NAV3: variants seen among roughly 807,000 people sequenced by gnomAD.
NAV3 encodes neuron navigator 3, also known as pore membrane and/or filament interacting like protein 1.
A neutral mutation model predicts 244.7 loss-of-function variants in NAV3; 87 were observed. The observed-to-expected ratio is 0.36, with a 90% CI of 0.30 to 0.42. The LOEUF is 0.42. Among genes scored for constraint, NAV3 ranks in the 20% least tolerant of loss-of-function variants. NAV3 has a pLI of 1.00. For missense variants in NAV3, 2,663 were observed against 2,893.3 expected, an observed-to-expected ratio of 0.92 and a Z score of 1.83; for synonymous variants, 1,126 against 1,042.2, an observed-to-expected ratio of 1.08 and a Z score of -1.55.
chr12:77,976,537 A>G (rs1308864173), intron 5 of NAV3, among the ~76,000 whole-genome samples: 1 of 152,128 alleles, frequency 6.6e-6, no homozygotes, highest in East Asian at 1.9e-4. Flanking sequence ...GGAGAGACAG[A>G]TCAATAGTCA....
chr12:77,640,450 C>T (rs186915508), intron 2 of NAV3, among the ~76,000 whole-genome samples: 5 of 152,254 alleles, frequency 3.3e-5, no homozygotes, highest in South Asian at 2.1e-4. Flanking sequence ...TCCCTGGTAA[C>T]CATCATGCTA....
intron 2 of NAV3, among the ~76,000 whole-genome samples, chr12:77,647,979 C>T (rs1264719607): frequency 6.6e-6 from 1 of 152,002 alleles, no homozygotes; most frequent in African/African-American, 2.4e-5. Flanking sequence ...CAAGGAAGAA[C>T]CTGGCAGCAG....
At chr12:77,767,411 CCACTTGGCCTGGTAGTCTG>C (rs990517005) in intron 2 of NAV3, among the ~76,000 whole-genome samples, 6 of 152,126 alleles carry the variant, frequency 3.9e-5, no homozygotes, top group East Asian at 1.9e-4. Context: ...CTTATTCTAC[CCACTTGGCCTGGTAGTCTG>C]CACTTGGCCT....
At chr12:77,905,918 T>G (rs1228019079) in intron 1 of NAV3, among the ~76,000 whole-genome samples, 1 of 152,136 alleles carries the variant, frequency 6.6e-6, no homozygotes, top group Non-Finnish European at 1.5e-5. Flanking sequence ...CCAACTCCCA[T>G]CACTTTCGTG....
chr12:78,157,271 G>A (rs1593829926), intron 22 of NAV3, among the ~76,000 whole-genome samples: 1 of 152,058 alleles, frequency 6.6e-6, no homozygotes, highest in East Asian at 1.9e-4. Flanking sequence ...AAGTTCAGGT[G>A]TGGTGGCTCA....
chr12:77,711,092 G>C (rs60374155), intron 2 of NAV3, among the ~76,000 whole-genome samples: 3,812 of 152,262 alleles, frequency 0.025, 90 homozygotes, highest in African/African-American at 0.06. Flanking sequence ...ATGTATGTTG[G>C]AAATAATTGC....
At chr12:78,177,928 CG>C (rs5799377) in intron 28 of NAV3, among the ~76,000 whole-genome samples, 87,713 of 151,596 alleles carry the variant, frequency 0.58, 27,344 homozygotes, top group Non-Finnish European at 0.72. Context: ...AGTAGCCCCC[CG>C]TTATCCACCA....
intron 2 of NAV3, among the ~76,000 whole-genome samples, chr12:77,728,651 A>G (rs1876988550): frequency 6.6e-6 from 1 of 151,952 alleles, no homozygotes. Context: ...TACAGTAGAC[A>G]GAGTATCATT....
intron 34 of NAV3, among the ~76,000 whole-genome samples, chr12:78,196,504 T>G (rs1270916519): frequency 6.6e-6 from 1 of 151,972 alleles, no homozygotes; most frequent in African/African-American, 2.4e-5. Context: ...TTCTTACTGA[T>G]TAGGATAATT....
intron 30 of NAV3, among the ~76,000 whole-genome samples, chr12:78,184,510 TG>T (rs1958630773): frequency 6.6e-6 from 1 of 151,858 alleles, no homozygotes; most frequent in African/African-American, 2.4e-5. Flanking sequence ...AAAAATTTAT[TG>T]CAAAGCTCTA....
chr12:77,685,473 G>GCACACACACACACACACA (rs778398842), intron 2 of NAV3, among the ~76,000 whole-genome samples: 85 of 42,690 alleles, frequency 2.0e-3, no homozygotes, highest in African/African-American at 3.8e-3. Context: ...GCATACACAT[G>GCACACACACACACACACA]CACACACACA....
intron 2 of NAV3, among the ~76,000 whole-genome samples, chr12:77,772,068 G>A (rs560302112): frequency 5.9e-5 from 9 of 152,224 alleles, no homozygotes; most frequent in African/African-American, 2.2e-4. Flanking sequence ...TGGTGCAAAG[G>A]ATTTCAGTTA....
At chr12:78,143,505 TCTGTAATCCCAG>T (rs1956718802) in intron 20 of NAV3, 2 of 302,992 alleles carry the variant, frequency 6.6e-6, no homozygotes, top group Non-Finnish European at 1.3e-5. Flanking sequence ...GTGGCATACG[TCTGTAATCCCAG>T]CTATTTGGGA....
At chr12:77,941,543 A>G (rs1384046193) in intron 3 of NAV3, among the ~76,000 whole-genome samples, 1 of 152,208 alleles carries the variant, frequency 6.6e-6, no homozygotes, top group Non-Finnish European at 1.5e-5. Flanking sequence ...GTGTAAACAC[A>G]TGGACTCTTC....
chr12:77,746,255 T>C (rs184808013), intron 2 of NAV3, among the ~76,000 whole-genome samples: 1 of 152,194 alleles, frequency 6.6e-6, no homozygotes, highest in East Asian at 1.9e-4. Flanking sequence ...TCTGTCACAA[T>C]TACTCCTCAG....
At chr12:77,737,933 A>G (rs1005430118) in intron 2 of NAV3, among the ~76,000 whole-genome samples, 2 of 152,096 alleles carry the variant, frequency 1.3e-5, no homozygotes, top group African/African-American at 4.8e-5. Flanking sequence ...ACCATTTTTC[A>G]ATCATGCAGC....
intron 23 of NAV3, among the ~76,000 whole-genome samples, chr12:78,168,543 G>A (rs567641167): frequency 6.6e-6 from 1 of 151,506 alleles, no homozygotes; most frequent in Admixed American, 6.6e-5. Context: ...AAGACAATAA[G>A]AAAAACAAAC....
At chr12:78,167,400 G>A (rs1957823268) in intron 23 of NAV3, among the ~76,000 whole-genome samples, 1 of 151,742 alleles carries the variant, frequency 6.6e-6, no homozygotes, top group South Asian at 2.1e-4. Flanking sequence ...AGGTCTGGTT[G>A]TTTGTTTTAA....
chr12:77,741,312 C>T (rs1359431011), intron 2 of NAV3, among the ~76,000 whole-genome samples: 1 of 151,920 alleles, frequency 6.6e-6, no homozygotes, highest in African/African-American at 2.4e-5. Flanking sequence ...TCAATTTATC[C>T]ACTACATGTT....
Sources: gnomAD v4.1 joint callset for allele counts (sites outside exome capture counted in the v4.1 genomes callset) on GRCh38, gnomAD v4.1.1 for gene constraint, MANE v1.5 for transcripts, NCBI Gene and HGNC (gene_info 2026-07-23, HGNC 2026-07-21) for gene names.